The following RAPGEF5 variants were observed in gnomAD, a reference collection of about 807,000 sequenced individuals.
RAPGEF5 encodes Rap guanine nucleotide exchange factor 5.
Under a neutral mutation model 125.2 loss-of-function variants are expected in RAPGEF5, and 65 were observed. That is an observed-to-expected ratio of 0.52 (90% CI 0.43 to 0.64). The LOEUF is 0.64. Among genes scored for constraint, RAPGEF5 ranks in the 30% least tolerant of loss-of-function variants. The pLI is 0.00. For missense variants in RAPGEF5, 958 were observed against 1,048.1 expected (o/e 0.91, Z 1.19); for synonymous variants, 391 against 385.9 (o/e 1.01, Z -0.16).
At chr7:22,258,722 G>A (rs970110133) in intron 7 of RAPGEF5, among the ~76,000 whole-genome samples, 4 of 150,536 alleles carry the variant, frequency 2.7e-5, no homozygotes, top group Admixed American at 6.6e-5. Flanking sequence ...ATTGATCTTT[G>A]ACAAGGAGCA....
chr7:22,317,520 G>C (rs544268004), intron 2 of RAPGEF5, among the ~76,000 whole-genome samples: 1 of 151,988 alleles, frequency 6.6e-6, no homozygotes, highest in Non-Finnish European at 1.5e-5. Flanking sequence ...GATTACAGGC[G>C]TGAGCCACCA....
At chr7:22,317,013 T>C (rs1583574604) in intron 2 of RAPGEF5, among the ~76,000 whole-genome samples, 1 of 149,684 alleles carries the variant, frequency 6.7e-6, no homozygotes, top group South Asian at 2.1e-4. Flanking sequence ...ACAAGCCAGA[T>C]GACAGAAAGT....
intron 24 of RAPGEF5, 50 bp downstream of exon 24, chr7:22,130,987 C>T: frequency 1.3e-6 from 2 of 1,527,608 alleles, no homozygotes; most frequent in South Asian, 2.5e-5. Context: ...GAAAGAAAGG[C>T]ATACATTTCT....
rs573719825 is a variant in RAPGEF5, at chr7:22,173,621, T to C, written c.1205-6473A>G. On this transcript the variant is annotated intron_variant, in intron 11 of 25. Transcript: ENST00000665637. ...TATTTTAACTTGTAAAATTCAGTTTTAGAATCCTGTCATTCCGTCTTCAAG... is the reference window on the plus strand; with the variant it reads ...TATTTTAACTTGTAAAATTCAGTTTCAGAATCCTGTCATTCCGTCTTCAAG... 3.9e-5 allele frequency among the ~76,000 whole-genome samples: 6 copies of C among 152,360 alleles called. No individual in the cohort carries two copies. The South Asian group carries it at 1.2e-3, about 32-fold the overall frequency.
intron 11 of RAPGEF5, among the ~76,000 whole-genome samples, chr7:22,177,557 C>T (rs994606383): frequency 2.6e-5 from 4 of 152,232 alleles, no homozygotes; most frequent in African/African-American, 9.6e-5. Flanking sequence ...AACAGCCACC[C>T]TTTATTGACC....
At chr7:22,352,435 T>A (rs1160308821) in intron 1 of RAPGEF5, among the ~76,000 whole-genome samples, 1 of 151,906 alleles carries the variant, frequency 6.6e-6, no homozygotes, top group Non-Finnish European at 1.5e-5. Context: ...TCATCAATGC[T>A]CCTTGGGAAA....
intron 8 of RAPGEF5, among the ~76,000 whole-genome samples, chr7:22,230,450 G>A (rs763685840): frequency 6.6e-6 from 1 of 152,206 alleles, no homozygotes; most frequent in Non-Finnish European, 1.5e-5. Context: ...TGGTGCAATA[G>A]TATTTGGAGG....
chr7:22,192,255 G>C (rs1394411266), intron 11 of RAPGEF5: 3 of 152,306 alleles, frequency 2.0e-5, no homozygotes, highest in African/African-American at 7.2e-5. Flanking sequence ...TGCAAAATAA[G>C]GTATCTATCT....
At chr7:22,301,966 G>A (rs113553011) in intron 5 of RAPGEF5, among the ~76,000 whole-genome samples, 2,480 of 152,168 alleles carry the variant, frequency 0.016, 61 homozygotes, top group African/African-American at 0.056. Flanking sequence ...CCTGTTAGTC[G>A]CTGAAGGCCT....
intron 24 of RAPGEF5, 116 bp from the exon 25 acceptor site, chr7:22,125,774 G>A: frequency 1.0e-6 from 1 of 964,558 alleles, no homozygotes; most frequent in South Asian, 1.4e-5. Context: ...ATAAAGAGAA[G>A]AACTGTATTT....
chr7:22,151,458 C>CT lies in RAPGEF5; in HGVS notation c.1787-955dup, dbSNP rs10609080. 8.0e-4 allele frequency among the ~76,000 whole-genome samples: 88 copies of CT among 109,944 alleles called. 2 individuals are homozygous for CT. Among genetic ancestry groups the CT allele is most frequent in the Non-Finnish European group, 8.3e-4 (46 of 55,412 alleles). The allele number at this position is 109,944 out of a possible 152,430, so 72.1% of individuals were successfully genotyped here. ...GCACACTGACCAACACTGATCATTACTTTTTTTTTTTTTTTTTTTTTGAGA... is the reference window on the plus strand; with the variant it reads ...GCACACTGACCAACACTGATCATTACTTTTTTTTTTTTTTTTTTTTTTGAGA... On this transcript the variant is annotated intron_variant, in intron 17 of 25. Transcript: ENST00000665637.
chr7:22,126,184 C>T (rs910717153), intron 24 of RAPGEF5, among the ~76,000 whole-genome samples: 2 of 152,014 alleles, frequency 1.3e-5, no homozygotes, highest in African/African-American at 2.4e-5. Context: ...GCACCCAATC[C>T]GGGTTGCACA....
At chr7:22,185,859 A>T (rs922968762) in intron 11 of RAPGEF5, among the ~76,000 whole-genome samples, 1 of 145,894 alleles carries the variant, frequency 6.9e-6, no homozygotes, top group Admixed American at 6.8e-5. Flanking sequence ...AATTAATCTA[A>T]TTTTTTTTTT....
At chr7:22,317,777 C>T (rs965517569) in intron 2 of RAPGEF5, among the ~76,000 whole-genome samples, 4 of 152,014 alleles carry the variant, frequency 2.6e-5, no homozygotes, top group Admixed American at 2.0e-4. Flanking sequence ...TTCCCTAGTT[C>T]GTGAACATCT....
chr7:22,215,139 T>C (rs1362157), intron 9 of RAPGEF5, among the ~76,000 whole-genome samples: 38,727 of 151,962 alleles, frequency 0.25, 5,391 homozygotes, highest in Middle Eastern at 0.37. Context: ...CTCAAAATCC[T>C]CCACAGTCTG....
At chr7:22,284,054 T>A (rs1360271667) in intron 6 of RAPGEF5, among the ~76,000 whole-genome samples, 3 of 140,684 alleles carry the variant, frequency 2.1e-5, no homozygotes, top group Non-Finnish European at 4.5e-5. Context: ...GCTTAGTAAT[T>A]AATTTTAAAA....
At chr7:22,269,183 A>G (rs1376811505) in intron 6 of RAPGEF5, among the ~76,000 whole-genome samples, 1 of 145,870 alleles carries the variant, frequency 6.9e-6, no homozygotes, top group East Asian at 1.9e-4. Context: ...TTTTTGACAA[A>G]AAAAAAAAAA....
In RAPGEF5 at chr7:22,347,254, C is replaced by G. The variant is rs552951194; in HGVS notation, c.231+9576G>C. On this transcript the variant is annotated intron_variant, in intron 1 of 25. Coordinates refer to ENST00000665637, the MANE Select transcript of RAPGEF5 (RefSeq NM_012294.5). ...TCTCACATTTAGATCATTACCTAAG[C>G]AATATCAGTGTTCATATAGATTGTT... is the stretch of plus-strand genomic sequence containing the variant. Among the ~76,000 whole-genome samples the G allele has an allele frequency of 1.1e-4, 17 of 152,190 alleles. No individual in the cohort carries two copies. In the South Asian group the frequency reaches 3.3e-3, roughly 30 times the overall value.
chr7:22,157,793 G>A, intron 15 of RAPGEF5, 62 bp downstream of exon 15: 1 of 1,521,064 alleles, frequency 6.6e-7, no homozygotes, highest in Non-Finnish European at 9.1e-7. Context: ...ACACGCCAAG[G>A]GAGGCAAGGC....
Sources: gnomAD v4.1 joint callset for allele counts (sites outside exome capture counted in the v4.1 genomes callset) on GRCh38, gnomAD v4.1.1 for gene constraint, MANE v1.5 for transcripts, NCBI Gene and HGNC (gene_info 2026-07-23, HGNC 2026-07-21) for gene names.